ADAT2: variants seen among roughly 807,000 people sequenced by gnomAD.
ADAT2 encodes the protein tRNA-specific adenosine-34 deaminase catalytic subunit ADAT2.
A neutral mutation model predicts 25.9 loss-of-function variants in ADAT2; 26 were observed. That is an observed-to-expected ratio of 1.00 (90% CI 0.74 to 1.39). ADAT2 has a LOEUF of 1.39. Ranked by LOEUF, ADAT2 falls within the 40% of genes most tolerant of loss-of-function variation. ADAT2 has a pLI of 0.00. For missense variants in ADAT2, 220 were observed against 244.8 expected (o/e 0.90, Z 0.68); for synonymous variants, 76 against 86.8 (o/e 0.88, Z 0.69).
In ADAT2 at chr6:143,432,415, C is replaced by T. The variant is rs1291058296; in HGVS notation, c.459+90G>A. 14 of 1,183,952 alleles carry T rather than the reference C, an allele frequency of 1.2e-5. No individual in the cohort carries two copies. Among genetic ancestry groups the T allele is most frequent in the Middle Eastern group, 1.9e-4 (1 of 5,230 alleles). 73.3% of individuals were successfully genotyped at this position (1,183,952 alleles called of 1,614,324 possible). On this transcript the variant is annotated intron_variant, in intron 4 of 5. Coordinates refer to ENST00000237283, the MANE Select transcript of ADAT2 (RefSeq NM_182503.3). The surrounding 1 kb of genome is among the most constrained non-coding windows in gnomAD (Gnocchi z 4.4). ...ATGTCTGATTCTATCATCGTTTCTT[C>T]GTATACTGGCCACACACTAGTTATT...
At chr6:143,448,505 A>C (rs1318836192) in intron 1 of ADAT2, among the ~76,000 whole-genome samples, 1 of 151,230 alleles carries the variant, frequency 6.6e-6, no homozygotes, top group Non-Finnish European at 1.5e-5. Flanking sequence ...TGTTACATAC[A>C]AAAAAAAAGG....
At chr6:143,431,181 T>C (rs1306863439) in intron 4 of ADAT2, among the ~76,000 whole-genome samples, 2 of 152,228 alleles carry the variant, frequency 1.3e-5, no homozygotes, top group Non-Finnish European at 2.9e-5. Flanking sequence ...GCCACAGGCA[T>C]TGATTTGCAG....
At position 143,437,889 on chromosome 6, in the gene ADAT2, C is replaced by G. The variant is rs956236510; in HGVS notation, c.201+701G>C. On this transcript the variant is annotated intron_variant, in intron 2 of 5. Coordinates refer to ENST00000237283, the MANE Select transcript of ADAT2 (RefSeq NM_182503.3). The surrounding 1 kb of genome is among the most constrained non-coding windows in gnomAD (Gnocchi z 4.1). ...AATTTGGTAGTTTACTTATACTTCCCAAGTATACTTATCATGACACACTAT... is the reference window on the plus strand; with the variant it reads ...AATTTGGTAGTTTACTTATACTTCCGAAGTATACTTATCATGACACACTAT... Among the ~76,000 whole-genome samples, 3 of 152,130 alleles carry G rather than the reference C, an allele frequency of 2.0e-5. No individual in the cohort carries two copies. Among genetic ancestry groups the G allele is most frequent in the Non-Finnish European group, 4.4e-5 (3 of 68,026 alleles).
intron 1 of ADAT2, among the ~76,000 whole-genome samples, chr6:143,445,515 T>C (rs1263520501): frequency 1.3e-5 from 2 of 152,172 alleles, no homozygotes; most frequent in Non-Finnish European, 1.5e-5. Flanking sequence ...AACCTTTCCT[T>C]TCCACCAGCC....
At chr6:143,439,569 G>A (rs1458906801) in intron 1 of ADAT2, among the ~76,000 whole-genome samples, 2 of 152,112 alleles carry the variant, frequency 1.3e-5, no homozygotes, top group African/African-American at 4.8e-5. Flanking sequence ...CTAAGTAAAG[G>A]AAGTCACACA....
chr6:143,439,645 A>G (rs927108072), intron 1 of ADAT2, among the ~76,000 whole-genome samples: 4 of 152,182 alleles, frequency 2.6e-5, no homozygotes, highest in Admixed American at 6.5e-5. Flanking sequence ...CTAAACTACA[A>G]TGACAGAAAC....
rs1017963886 is a variant in ADAT2, at chr6:143,442,656, A to G, written c.97-3962T>C. The stretch of plus-strand genomic sequence containing the variant: ...GGTCCTCCCAGTATATTATTATTGT[A>G]ATTTCTTGTGAACTTATAATTATTT... On this transcript the variant is annotated intron_variant, in intron 1 of 5. Coordinates refer to ENST00000237283, the MANE Select transcript of ADAT2 (RefSeq NM_182503.3). The surrounding 1 kb of genome is among the most constrained non-coding windows in gnomAD (Gnocchi z 4.6). Among the ~76,000 whole-genome samples, 6 of 152,208 alleles carry G rather than the reference A, an allele frequency of 3.9e-5. No individual in the cohort carries two copies. The highest frequency in any genetic ancestry group is 1.4e-4 in the African/African-American group (6 of 41,440).
At position 143,424,865 on chromosome 6, in the gene ADAT2, T is replaced by G. The variant is rs989208380; in HGVS notation, c.*3598A>C. 2.0e-5 allele frequency: 3 copies of G among 152,220 alleles called. No homozygotes were observed. Among genetic ancestry groups the G allele is most frequent in the Admixed American group, 6.5e-5 (1 of 15,292 alleles). The allele number at this position is 152,220 out of a possible 1,614,324, so 9.4% of individuals were successfully genotyped here. A position where few individuals can be genotyped will look rare whatever the true frequency, so the allele number is the denominator to read the frequency against. On this transcript the variant is annotated 3_prime_UTR_variant, in exon 6 of 6. Transcript: ENST00000237283. This position sits in a 1 kb window ranked among gnomAD's most constrained non-coding sequence, Gnocchi z 4.8. Reference sequence around the variant, plus strand: ...CTTTCCATCAGTGTCAAATACATTTTCTGTTTAAAATGTAACAGCTCCTCT... The same window carrying G: ...CTTTCCATCAGTGTCAAATACATTTGCTGTTTAAAATGTAACAGCTCCTCT...
chr6:143,437,360 AAAGTT>A lies in ADAT2; in HGVS notation c.201+1225_201+1229del, dbSNP rs1779319686. ...AAAGAAATTGCTTTTTTCTTCTGTT[AAAGTT>A]AAGTTAGATCATCTTCATGTAGCCT... is the stretch of plus-strand genomic sequence containing the variant. On this transcript the variant is annotated intron_variant, in intron 2 of 5. Transcript: ENST00000237283. This position sits in a 1 kb window ranked among gnomAD's most constrained non-coding sequence, Gnocchi z 4.1. Among the ~76,000 whole-genome samples, 3 of 152,182 alleles carry A rather than the reference AAAGTT, an allele frequency of 2.0e-5. No individual in the cohort carries two copies. The highest frequency in any genetic ancestry group is 6.5e-5 in the Admixed American group (1 of 15,276).
At chr6:143,447,413 C>CTAATATAT (rs1779628377) in intron 1 of ADAT2, among the ~76,000 whole-genome samples, 1 of 151,994 alleles carries the variant, frequency 6.6e-6, no homozygotes, top group African/African-American at 2.4e-5. Flanking sequence ...GGAGGAGTGA[C>CTAATATAT]TAATATATTA....
chr6:143,450,573 GCCT>G lies in ADAT2; in HGVS notation c.83_85del (p.Glu28del), dbSNP rs773448070. The G allele has an allele frequency of 1.2e-6, 2 of 1,613,904 alleles. No homozygotes were observed. Among genetic ancestry groups the G allele is most frequent in the Non-Finnish European group, 1.7e-6 (2 of 1,180,008 alleles). On this transcript the variant is annotated inframe_deletion, in exon 1 of 6. Coordinates refer to ENST00000237283, the MANE Select transcript of ADAT2 (RefSeq NM_182503.3). ...TCCCGGGCTCCTCACCATGTGCATCGCCTCCTCCATCCACTTTTCGGTCTCCTC... is the reference window on the plus strand; with the variant it reads ...TCCCGGGCTCCTCACCATGTGCATCGCCTCCATCCACTTTTCGGTCTCCTC...
At position 143,442,157 on chromosome 6, in the gene ADAT2, A is replaced by T. The variant is rs1348188573; in HGVS notation, c.97-3463T>A. Among the ~76,000 whole-genome samples the T allele has an allele frequency of 1.3e-5, 2 of 152,170 alleles. No individual in the cohort carries two copies. Among genetic ancestry groups the T allele is most frequent in the Non-Finnish European group, 2.9e-5 (2 of 68,032 alleles). On this transcript the variant is annotated intron_variant, in intron 1 of 5. Coordinates refer to ENST00000237283, the MANE Select transcript of ADAT2 (RefSeq NM_182503.3). This position sits in a 1 kb window ranked among gnomAD's most constrained non-coding sequence, Gnocchi z 4.6. ...ATAGCCAAAAACTGGAAACAACTCA[A>T]ATGCCCTTCAGTGGGTGAACTGCTA...
intron 4 of ADAT2, among the ~76,000 whole-genome samples, chr6:143,431,329 T>C (rs17072603): frequency 0.043 from 6,537 of 152,296 alleles, 477 homozygotes; most frequent in African/African-American, 0.15. Flanking sequence ...ATTCCACCCA[T>C]GTATGACATC....
chr6:143,442,244 C>T lies in ADAT2; in HGVS notation c.97-3550G>A, dbSNP rs1052519106. 2.0e-5 allele frequency among the ~76,000 whole-genome samples: 3 copies of T among 152,112 alleles called. No homozygotes were observed. Among genetic ancestry groups the T allele is most frequent in the East Asian group, 1.9e-4 (1 of 5,198 alleles). On this transcript the variant is annotated intron_variant, in intron 1 of 5. Transcript: ENST00000237283. This position sits in a 1 kb window ranked among gnomAD's most constrained non-coding sequence, Gnocchi z 4.6. ...GCAGCAATAACAAGGAATGAACTATCGATAATCTCAACAACTTGGATGGAT... is the reference window on the plus strand; with the variant it reads ...GCAGCAATAACAAGGAATGAACTATTGATAATCTCAACAACTTGGATGGAT...
chr6:143,448,873 A>C (rs1375740783), intron 1 of ADAT2, among the ~76,000 whole-genome samples: 1 of 152,154 alleles, frequency 6.6e-6, no homozygotes, highest in African/African-American at 2.4e-5. Flanking sequence ...AAATAAAAAG[A>C]AATTTTAAAA....
At chr6:143,438,882 T>C (rs1343274049) in intron 1 of ADAT2, among the ~76,000 whole-genome samples, 188 bp from the exon 2 acceptor site, 1 of 152,134 alleles carries the variant, frequency 6.6e-6, no homozygotes, top group Non-Finnish European at 1.5e-5. Flanking sequence ...GTGTCCATGT[T>C]AAGGGAGACT....
At position 143,444,773 on chromosome 6, in the gene ADAT2, T is replaced by C; in HGVS notation, c.96+5790A>G. The C allele has an allele frequency of 3.6e-6, 1 of 280,924 alleles. No homozygotes were observed. The highest frequency in any genetic ancestry group is 6.4e-6 in the Non-Finnish European group (1 of 157,104). The allele number at this position is 280,924 out of a possible 1,614,324, so 17.4% of individuals were successfully genotyped here. On this transcript the variant is annotated intron_variant, in intron 1 of 5. Transcript: ENST00000237283. This position sits in a 1 kb window ranked among gnomAD's most constrained non-coding sequence, Gnocchi z 4.3. ...CTCTATTTTGTCCTTGAATATAATTTCTTTTTTTTCTCTAGTCAGGGCCTG... is the reference window on the plus strand; with the variant it reads ...CTCTATTTTGTCCTTGAATATAATTCCTTTTTTTTCTCTAGTCAGGGCCTG...
In ADAT2 at chr6:143,427,136, A is replaced by ACACACACACACACACACACAC. The variant is rs1554277479; in HGVS notation, c.*1326_*1327insGTGTGTGTGTGTGTGTGTGTG. ...ACACACACACACACACACACACACA[A>ACACACACACACACACACACAC]AACCAAGCAATTATAAGTCCTCTGA... is the stretch of plus-strand genomic sequence containing the variant. On this transcript the variant is annotated 3_prime_UTR_variant, in exon 6 of 6. Transcript: ENST00000237283. 4.6e-5 allele frequency: 3 copies of ACACACACACACACACACACAC among 65,658 alleles called. No individual in the cohort carries two copies. Among genetic ancestry groups the ACACACACACACACACACACAC allele is most frequent in the Admixed American group, 1.3e-4 (1 of 7,878 alleles). 4.1% of individuals were successfully genotyped at this position (65,658 alleles called of 1,614,324 possible). A position where few individuals can be genotyped will look rare whatever the true frequency, so the allele number is the denominator to read the frequency against.
At chr6:143,439,845 T>C (rs901300984) in intron 1 of ADAT2, among the ~76,000 whole-genome samples, 9 of 152,058 alleles carry the variant, frequency 5.9e-5, no homozygotes, top group African/African-American at 2.2e-4. Context: ...AAAGTATACC[T>C]CAACTGAAAA....
Sources: gnomAD v4.1 joint callset for allele counts (sites outside exome capture counted in the v4.1 genomes callset) on GRCh38, gnomAD v4.1.1 for gene constraint, Gnocchi (gnomAD v3.1) non-coding constraint, MANE v1.5 for transcripts, NCBI Gene and HGNC (gene_info 2026-07-23, HGNC 2026-07-21) for gene names.